The following KLHL32 variants were observed in gnomAD, a reference collection of about 807,000 sequenced individuals.
The protein encoded by KLHL32 is kelch-like protein 32.
KLHL32 carries 35 observed loss-of-function variants against 64.8 expected under a neutral mutation model. The ratio of observed to expected loss-of-function variants is 0.54; its 90% confidence interval spans 0.41 to 0.72. The LOEUF (loss-of-function observed/expected upper bound fraction) is 0.72, where lower values mean the gene tolerates loss of function less well. KLHL32 is among the 30% of genes least tolerant of loss of function. The probability of loss-of-function intolerance (pLI) is 0.00; values close to 1 mark genes in which losing one functional copy is unlikely to be tolerated. For missense variants in KLHL32, 589 were observed against 768.5 expected (o/e 0.77, Z 2.76); for synonymous variants, 259 against 281.0 (o/e 0.92, Z 0.78).
rs138994239 is a variant in KLHL32, at chr6:96,976,769, T to C, written c.204+592T>C. 4.5e-3 allele frequency among the ~76,000 whole-genome samples: 687 copies of C among 152,160 alleles called. 3 individuals carry two copies. Among genetic ancestry groups the C allele is most frequent in the African/African-American group, 0.016 (647 of 41,506 alleles). On this transcript the variant is annotated intron_variant, in intron 3 of 10. Transcript: ENST00000369261. ...ACATGCCACCACACCTGGCTAATTT[T>C]TGTAGTTTTAGTAGAGACGGGGTCT...
intron 1 of KLHL32, among the ~76,000 whole-genome samples, chr6:96,937,833 A>C (rs779418819): frequency 2.6e-5 from 4 of 152,102 alleles, no homozygotes; most frequent in Admixed American, 6.5e-5. Flanking sequence ...TAATATCTTT[A>C]GAGATGTGGC....
intron 3 of KLHL32, among the ~76,000 whole-genome samples, chr6:96,992,500 T>G (rs1778002195): frequency 6.6e-6 from 1 of 152,270 alleles, no homozygotes; most frequent in African/African-American, 2.4e-5. Flanking sequence ...CTGCTTCTAG[T>G]CAGCCATCTT....
chr6:97,001,083 A>C (rs1447917056), intron 3 of KLHL32, among the ~76,000 whole-genome samples: 1 of 152,238 alleles, frequency 6.6e-6, no homozygotes, highest in Non-Finnish European at 1.5e-5. Context: ...AAACTATTCT[A>C]TATGATACTG....
intron 5 of KLHL32, among the ~76,000 whole-genome samples, chr6:97,065,574 G>A (rs1789620129): frequency 6.6e-6 from 1 of 151,986 alleles, no homozygotes; most frequent in Non-Finnish European, 1.5e-5. Flanking sequence ...TTCCCCCACT[G>A]GTGTCACCTT....
intron 7 of KLHL32, among the ~76,000 whole-genome samples, chr6:97,115,398 C>T (rs1427462754): frequency 6.6e-6 from 1 of 152,204 alleles, no homozygotes; most frequent in Non-Finnish European, 1.5e-5. Context: ...ATTTACTCTC[C>T]TATTTTTACT....
At chr6:97,074,717 C>T (rs1791318430) in intron 5 of KLHL32, among the ~76,000 whole-genome samples, 1 of 151,692 alleles carries the variant, frequency 6.6e-6, no homozygotes, top group East Asian at 1.9e-4. Flanking sequence ...TGTACTAGAG[C>T]AAGTAGGGAA....
intron 5 of KLHL32, among the ~76,000 whole-genome samples, chr6:97,076,354 A>G (rs1189370505): frequency 1.3e-5 from 2 of 152,190 alleles, no homozygotes; most frequent in African/African-American, 4.8e-5. Context: ...GGGAGTAATG[A>G]TAGCTACTGT....
intron 6 of KLHL32, among the ~76,000 whole-genome samples, chr6:97,102,928 A>G (rs1027937409): frequency 1.3e-5 from 2 of 151,988 alleles, no homozygotes; most frequent in Non-Finnish European, 2.9e-5. Context: ...AGATTATTTC[A>G]TCACCCAGAT....
At chr6:97,105,405 C>T (rs1301767042) in intron 6 of KLHL32, 2 of 470,150 alleles carry the variant, frequency 4.3e-6, no homozygotes, top group East Asian at 6.9e-5. Flanking sequence ...TTTTGACTTG[C>T]TCCTGTGCCC....
At chr6:97,032,962 G>T (rs1200957142) in intron 3 of KLHL32, among the ~76,000 whole-genome samples, 8 of 144,854 alleles carry the variant, frequency 5.5e-5, no homozygotes, top group African/African-American at 1.8e-4. Flanking sequence ...AGCCACACTT[G>T]ATTTAAAAAA....
intron 3 of KLHL32, among the ~76,000 whole-genome samples, chr6:97,007,213 T>C (rs548797490): frequency 2.0e-5 from 3 of 152,252 alleles, no homozygotes; most frequent in Admixed American, 6.5e-5. Context: ...TTATTTATTT[T>C]TGTCTGACTG....
chr6:96,956,980 T>C (rs1582472970), intron 1 of KLHL32, among the ~76,000 whole-genome samples: 1 of 152,318 alleles, frequency 6.6e-6, no homozygotes, highest in East Asian at 1.9e-4. Context: ...CCTCTCTCAA[T>C]AGAAGAAAAT....
chr6:97,138,047 G>A (rs1158200242), intron 10 of KLHL32, among the ~76,000 whole-genome samples: 3 of 152,154 alleles, frequency 2.0e-5, no homozygotes, highest in Non-Finnish European at 2.9e-5. Flanking sequence ...CCAAATCCAC[G>A]GGAGGCAAAT....
At chr6:97,063,615 G>A (rs1789260314) in intron 4 of KLHL32, among the ~76,000 whole-genome samples, 1 of 152,138 alleles carries the variant, frequency 6.6e-6, no homozygotes, top group African/African-American at 2.4e-5. Flanking sequence ...AGAGTGGAGG[G>A]GTGAATTGAC....
chr6:96,937,047 A>G (rs1303194400), intron 1 of KLHL32, among the ~76,000 whole-genome samples: 1 of 151,600 alleles, frequency 6.6e-6, no homozygotes, highest in East Asian at 1.9e-4. Flanking sequence ...CACAGCTCTT[A>G]TCGATTAAAA....
intron 2 of KLHL32, among the ~76,000 whole-genome samples, chr6:96,969,472 G>A (rs1396767561): frequency 6.6e-6 from 1 of 151,892 alleles, no homozygotes; most frequent in Non-Finnish European, 1.5e-5. Context: ...CTCATTTCCT[G>A]TATTTTTGAT....
intron 6 of KLHL32, among the ~76,000 whole-genome samples, chr6:97,088,452 T>C (rs1304948896): frequency 2.6e-5 from 4 of 152,206 alleles, no homozygotes; most frequent in African/African-American, 9.7e-5. Context: ...TTCATTTCAG[T>C]AGGGCCCTGT....
At chr6:97,022,971 G>A (rs1021953686) in intron 3 of KLHL32, among the ~76,000 whole-genome samples, 8 of 152,156 alleles carry the variant, frequency 5.3e-5, no homozygotes, top group African/African-American at 9.7e-5. Context: ...TGGTAGGAGC[G>A]AGAAGAGAGC....
chr6:96,925,581 C>G (rs907000763), intron 1 of KLHL32, among the ~76,000 whole-genome samples: 1 of 152,092 alleles, frequency 6.6e-6, no homozygotes, highest in Non-Finnish European at 1.5e-5. Context: ...TCCCTTCTTC[C>G]CCTCTATTTC....
Sources: gnomAD v4.1 joint callset for allele counts (sites outside exome capture counted in the v4.1 genomes callset) on GRCh38, gnomAD v4.1.1 for gene constraint, MANE v1.5 for transcripts, NCBI Gene and HGNC (gene_info 2026-07-23, HGNC 2026-07-21) for gene names.